The following ENAH variants were observed in gnomAD, a reference collection of about 807,000 sequenced individuals.
The protein encoded by ENAH is ENAH actin regulator.
In ENAH, 23 loss-of-function variants were observed where a neutral mutation model predicts 78.7. The observed-to-expected ratio is 0.29, with a 90% CI of 0.21 to 0.41. The LOEUF (loss-of-function observed/expected upper bound fraction) is 0.41, where lower values mean the gene tolerates loss of function less well. Among genes scored for constraint, ENAH ranks in the 10% least tolerant of loss-of-function variants. ENAH has a pLI of 1.00. For synonymous variants in ENAH, 226 were observed against 241.0 expected (o/e 0.94, Z 0.58); for missense variants, 544 against 691.0 (o/e 0.79, Z 2.39).
At chr1:225,517,877 C>A in intron 5 of ENAH, 1 of 1,551,232 alleles carries the variant, frequency 6.4e-7, no homozygotes, top group Non-Finnish European at 8.7e-7. Context: ...GGAGTGGCAT[C>A]TGACACTGGA....
chr1:225,550,425 A>AGTGCC (rs1432491558), intron 3 of ENAH, among the ~76,000 whole-genome samples: 2 of 152,246 alleles, frequency 1.3e-5, no homozygotes, highest in African/African-American at 4.8e-5. Flanking sequence ...CAGTTTATAA[A>AGTGCC]AAATACGCTT....
intron 7 of ENAH, 149 bp from the exon 8 acceptor site, chr1:225,513,165 T>TAA: frequency 9.1e-6 from 6 of 657,684 alleles, no homozygotes; most frequent in Non-Finnish European, 1.5e-5. Flanking sequence ...AATAGATTCT[T>TAA]AGCATGACTT....
At chr1:225,619,794 T>C (rs750801343) in intron 1 of ENAH, among the ~76,000 whole-genome samples, 3 of 152,162 alleles carry the variant, frequency 2.0e-5, no homozygotes, top group Admixed American at 6.6e-5. Context: ...AAATAAATTA[T>C]AGACATCAAA....
intron 1 of ENAH, among the ~76,000 whole-genome samples, chr1:225,611,794 C>T (rs1015536194): frequency 5.3e-5 from 8 of 151,966 alleles, no homozygotes; most frequent in Admixed American, 3.3e-4. Flanking sequence ...TAATACTCAA[C>T]GGCCAACAAG....
At chr1:225,613,914 A>G (rs1265364982) in intron 1 of ENAH, among the ~76,000 whole-genome samples, 3 of 152,200 alleles carry the variant, frequency 2.0e-5, no homozygotes, top group Non-Finnish European at 1.5e-5. Flanking sequence ...TCTAATGCCA[A>G]TCTCATGCCC....
At chr1:225,586,241 CAA>C (rs34817622) in intron 1 of ENAH, among the ~76,000 whole-genome samples, 1 of 100,628 alleles carries the variant, frequency 9.9e-6, no homozygotes, top group Non-Finnish European at 1.9e-5. Context: ...GAGACAAGCT[CAA>C]AAAAAAAAAA....
chr1:225,507,368 G>A (rs2096340840), intron 11 of ENAH, among the ~76,000 whole-genome samples: 1 of 151,900 alleles, frequency 6.6e-6, no homozygotes, highest in South Asian at 2.1e-4. Flanking sequence ...TAAAATCTAT[G>A]TCATTGGAAC....
At chr1:225,528,857 A>G (rs1370823026) in intron 4 of ENAH, among the ~76,000 whole-genome samples, 3 of 152,106 alleles carry the variant, frequency 2.0e-5, no homozygotes, top group Admixed American at 1.3e-4. Context: ...TTTCACAACT[A>G]TTGATGGCAA....
At chr1:225,567,625 A>T (rs1158184060) in intron 1 of ENAH, among the ~76,000 whole-genome samples, 2 of 152,148 alleles carry the variant, frequency 1.3e-5, no homozygotes, top group Non-Finnish European at 2.9e-5. Context: ...TTAAAAGACC[A>T]AAAGGAGAGC....
rs368938153 is a variant in ENAH, at chr1:225,498,437, G to C, written c.1618-33C>G. 6.0e-6 allele frequency: 8 copies of C among 1,324,432 alleles called. No individual in the cohort carries two copies. The African/African-American group carries it at 1.2e-4, about 20-fold the overall frequency. 82.0% of individuals were successfully genotyped at this position (1,324,432 alleles called of 1,614,324 possible). On this transcript the variant is annotated intron_variant, in intron 12 of 13. Transcript: ENST00000366843. ...ATTAGAGAAAAATACCAGAAATACA[G>C]AACAAAATTACCACTAAAGAGATTC...
chr1:225,632,761 A>C (rs1308051815), intron 1 of ENAH, among the ~76,000 whole-genome samples: 1 of 152,230 alleles, frequency 6.6e-6, no homozygotes, highest in Non-Finnish European at 1.5e-5. Context: ...CTATTCTTTA[A>C]AGGAATGGCG....
In ENAH at chr1:225,548,936, G is replaced by A. The variant is rs372096323; in HGVS notation, c.349+5970C>T. Among the ~76,000 whole-genome samples, 116 of 148,220 alleles carry A rather than the reference G, an allele frequency of 7.8e-4. 1 individual carries two copies. Among genetic ancestry groups the A allele is most frequent in the African/African-American group, 2.6e-3 (106 of 40,048 alleles). On this transcript the variant is annotated intron_variant, in intron 3 of 13. Transcript: ENST00000366843. ...ACGATCTCAGCTCACTGCAACCTCCGCCTCCCGGGTTCAAGCAATTCTCCT... is the reference window on the plus strand; with the variant it reads ...ACGATCTCAGCTCACTGCAACCTCCACCTCCCGGGTTCAAGCAATTCTCCT...
At chr1:225,635,700 G>T (rs1659936407) in intron 1 of ENAH, among the ~76,000 whole-genome samples, 1 of 152,172 alleles carries the variant, frequency 6.6e-6, no homozygotes, top group African/African-American at 2.4e-5. Context: ...TAGTTAAGAT[G>T]AGGTCACACC....
Position 225,564,280 on chromosome 1 carries a change from GTTGT to G in ENAH, c.171+2965_171+2968del, listed in dbSNP as rs1182384880. The stretch of plus-strand genomic sequence containing the variant: ...CAGGCACACACATCACACCTGGCTA[GTTGT>G]TTGGGGTTTTTTGTTTTTTTTTGAG... On this transcript the variant is annotated intron_variant, in intron 2 of 13. Coordinates refer to ENST00000366843, the MANE Select transcript of ENAH (RefSeq NM_018212.6). Among the ~76,000 whole-genome samples the G allele has an allele frequency of 5.3e-5, 8 of 151,378 alleles. No individual in the cohort carries two copies. The South Asian group carries it at 1.7e-3, about 32-fold the overall frequency.
chr1:225,525,053 T>C (rs2096493990), intron 4 of ENAH, among the ~76,000 whole-genome samples: 1 of 152,204 alleles, frequency 6.6e-6, no homozygotes, highest in African/African-American at 2.4e-5. Context: ...AGTAATCCTC[T>C]TACTAACGCT....
intron 1 of ENAH, among the ~76,000 whole-genome samples, chr1:225,633,769 C>A (rs1190831288): frequency 6.6e-6 from 1 of 152,120 alleles, no homozygotes; most frequent in Non-Finnish European, 1.5e-5. Context: ...TCAAAGTTAT[C>A]ATATATAATT....
chr1:225,559,702 G>A (rs1330212589), intron 2 of ENAH, among the ~76,000 whole-genome samples: 1 of 152,076 alleles, frequency 6.6e-6, no homozygotes, highest in Non-Finnish European at 1.5e-5. Flanking sequence ...AACTCAAATA[G>A]GAGTAGGAGA....
Position 225,541,210 on chromosome 1 carries a change from G to A in ENAH, c.350-10572C>T, listed in dbSNP as rs541547318. ...AGCACTTTGGGAGGCCAAGGCGTGC[G>A]GATCACGTGGTCAGGAGATCAAGAC... is the stretch of plus-strand genomic sequence containing the variant. On this transcript the variant is annotated intron_variant, in intron 3 of 13. Transcript: ENST00000366843. Among the ~76,000 whole-genome samples, 4 of 152,232 alleles carry A rather than the reference G, an allele frequency of 2.6e-5. No homozygotes were observed. In the South Asian group the frequency reaches 6.2e-4, roughly 24 times the overall value.
At chr1:225,588,601 A>C (rs145450201) in intron 1 of ENAH, among the ~76,000 whole-genome samples, 2 of 152,310 alleles carry the variant, frequency 1.3e-5, no homozygotes, top group Admixed American at 1.3e-4. Flanking sequence ...CGAAGTCAGG[A>C]GATTGAGACC....
Sources: allele counts gnomAD v4.1 joint callset (sites outside exome capture counted in the v4.1 genomes callset), GRCh38; gene constraint gnomAD v4.1.1; transcripts MANE v1.5; gene names NCBI Gene and HGNC (gene_info 2026-07-23, HGNC 2026-07-21).